Variants in KIF5C observed in about 807,000 individuals in gnomAD.
KIF5C encodes kinesin heavy chain isoform 5C.
A neutral mutation model predicts 125.2 loss-of-function variants in KIF5C; 18 were observed. The ratio of observed to expected loss-of-function variants is 0.14; its 90% CI spans 0.10 to 0.21. KIF5C has a LOEUF of 0.21. KIF5C is among the 10% of genes least tolerant of loss of function. The pLI, the probability that KIF5C is intolerant of heterozygous loss-of-function variation, is 1.00. For synonymous variants in KIF5C, 405 were observed against 434.0 expected (o/e 0.93, Z 0.83); for missense variants, 780 against 1,183.8 (o/e 0.66, Z 5.01).
chr2:148,989,113 C>G (rs1461367739), intron 15 of KIF5C, among the ~76,000 whole-genome samples: 3 of 152,136 alleles, frequency 2.0e-5, no homozygotes, highest in African/African-American at 4.8e-5. Flanking sequence ...TCCCTCACCC[C>G]ACTTCCCACC....
chr2:148,991,075 G>A lies in KIF5C; in HGVS notation c.1782G>A (p.Met594Ile). ...FTMARLYISK[M>I]KSEVKSLVNR... ...TGGCCCGCCTGTACATCAGCAAGATGAAGTCAGAGGTCAAGTCCCTGGTGA... is the reference window on the plus strand; with the variant it reads ...TGGCCCGCCTGTACATCAGCAAGATAAAGTCAGAGGTCAAGTCCCTGGTGA... Residue 594 changes from methionine (M) to isoleucine (I), a missense_variant, in exon 16 of 26, where the codon ATG (methionine) becomes ATA (isoleucine). Transcript: ENST00000435030. The A allele has an allele frequency of 6.2e-7, 1 of 1,613,866 alleles. No homozygotes were observed. The highest frequency in any genetic ancestry group is 8.5e-7 in the Non-Finnish European group (1 of 1,179,840).
At chr2:148,984,603 G>A (rs1239255258) in intron 15 of KIF5C, among the ~76,000 whole-genome samples, 2 of 152,086 alleles carry the variant, frequency 1.3e-5, no homozygotes, top group Non-Finnish European at 2.9e-5. Flanking sequence ...CTTTAATCCA[G>A]GAGGGAAACA....
chr2:148,932,428 A>G (rs1344395938), intron 3 of KIF5C, among the ~76,000 whole-genome samples: 1 of 152,206 alleles, frequency 6.6e-6, no homozygotes, highest in East Asian at 1.9e-4. Flanking sequence ...CATTTAAGGT[A>G]GGTTTTCAGT....
chr2:148,920,367 CA>C (rs1681734049), intron 1 of KIF5C, among the ~76,000 whole-genome samples: 1 of 152,158 alleles, frequency 6.6e-6, no homozygotes, highest in Non-Finnish European at 1.5e-5. Context: ...TTGAATTTTA[CA>C]AATAGATAAA....
intron 1 of KIF5C, among the ~76,000 whole-genome samples, chr2:148,913,208 G>C (rs1200854124): frequency 6.6e-6 from 1 of 152,138 alleles, no homozygotes; most frequent in Non-Finnish European, 1.5e-5. Context: ...ATCTATAGTT[G>C]AGGGAACAGT....
At chr2:148,943,657 A>G (rs1388894436) in intron 7 of KIF5C, among the ~76,000 whole-genome samples, 1 of 151,650 alleles carries the variant, frequency 6.6e-6, no homozygotes, top group Non-Finnish European at 1.5e-5. Flanking sequence ...TGTGAGGAGA[A>G]CTCTCCAACC....
chr2:148,945,264 A>G (rs1682495110), intron 7 of KIF5C, among the ~76,000 whole-genome samples: 1 of 152,092 alleles, frequency 6.6e-6, no homozygotes, highest in South Asian at 2.1e-4. Context: ...TTATAGTTTT[A>G]GTTTTTATAT....
chr2:148,979,232 C>T lies in KIF5C; in HGVS notation c.1362+242C>T, dbSNP rs552852260. Among the ~76,000 whole-genome samples the T allele has an allele frequency of 3.9e-5, 6 of 152,250 alleles. 1 individual carries two copies. Among genetic ancestry groups the T allele is most frequent in the East Asian group, 1.9e-4 (1 of 5,180 alleles). ...GATTGAGTAGCCAGTGGCTACAGTT[C>T]GTTCTGGAAGGGCAGAGACCTTTGG... is the stretch of plus-strand genomic sequence containing the variant. On this transcript the variant is annotated intron_variant, in intron 13 of 25. Transcript: ENST00000435030.
intron 25 of KIF5C, among the ~76,000 whole-genome samples, chr2:149,017,526 C>T (rs1002124114): frequency 6.6e-6 from 1 of 152,204 alleles, no homozygotes; most frequent in African/African-American, 2.4e-5. Flanking sequence ...GATCCACTTC[C>T]TTTCCAGGCA....
At chr2:148,898,016 G>C (rs1680736275) in intron 1 of KIF5C, among the ~76,000 whole-genome samples, 1 of 150,936 alleles carries the variant, frequency 6.6e-6, no homozygotes, top group Non-Finnish European at 1.5e-5. Context: ...CTCAGGGTTT[G>C]AGGGAGTGGA....
intron 1 of KIF5C, among the ~76,000 whole-genome samples, chr2:148,906,829 G>GCA (rs1412471160): frequency 6.6e-6 from 1 of 152,078 alleles, no homozygotes; most frequent in Non-Finnish European, 1.5e-5. Flanking sequence ...TCATACCACT[G>GCA]CACTCCAGCC....
intron 1 of KIF5C, among the ~76,000 whole-genome samples, chr2:148,895,610 C>T (rs766020540): frequency 3.3e-5 from 5 of 152,070 alleles, no homozygotes; most frequent in African/African-American, 7.2e-5. Context: ...GGTCAAAAAA[C>T]ATAGCTTACG....
chr2:148,961,977 G>C lies in KIF5C; in HGVS notation c.975G>C (p.Lys325Asn). Residue 325 changes from lysine to asparagine, a missense_variant, in exon 11 of 26, where the codon AAG becomes AAC. Lys to Asn is a moderately conservative substitution (Grantham distance 94, BLOSUM62 0). This residue lies in a region of KIF5C where 207 missense variants were observed against 441.2 expected (regional missense o/e 0.47). Coordinates refer to ENST00000435030, the MANE Select transcript of KIF5C (RefSeq NM_004522.3). The stretch of plus-strand genomic sequence containing the variant: ...CTTATGTTTTTAATCCCAGAGCTAA[G>C]ACCATCAAGAATACAGTCTCTGTGA... ...KSTLMFGQRA[K>N]TIKNTVSVNL... 6.2e-7 allele frequency: 1 copy of C among 1,613,046 alleles called. No individual in the cohort carries two copies. The highest frequency in any genetic ancestry group is 8.5e-7 in the Non-Finnish European group (1 of 1,179,602).
intron 15 of KIF5C, among the ~76,000 whole-genome samples, chr2:148,987,997 G>A (rs1681427203): frequency 6.6e-6 from 1 of 152,100 alleles, no homozygotes. Context: ...TGTATAGGCA[G>A]GTAGAAGCAG....
At chr2:148,919,833 C>T (rs1016449467) in intron 1 of KIF5C, among the ~76,000 whole-genome samples, 1 of 152,146 alleles carries the variant, frequency 6.6e-6, no homozygotes, top group African/African-American at 2.4e-5. Context: ...AACTACATAA[C>T]GTGTTAATCC....
intron 11 of KIF5C, among the ~76,000 whole-genome samples, chr2:148,966,833 A>G (rs529582257): frequency 9.9e-5 from 15 of 152,200 alleles, no homozygotes; most frequent in African/African-American, 2.9e-4. Flanking sequence ...TCTGGTCTCC[A>G]CTATGTAAGA....
chr2:148,967,632 A>G (rs1680772929), intron 11 of KIF5C, among the ~76,000 whole-genome samples: 2 of 152,174 alleles, frequency 1.3e-5, no homozygotes, highest in Admixed American at 1.3e-4. Flanking sequence ...GAAAAGCAAC[A>G]AATGTTCACC....
At chr2:149,008,691 A>T (rs1177713689) in intron 23 of KIF5C, among the ~76,000 whole-genome samples, 1 of 152,122 alleles carries the variant, frequency 6.6e-6, no homozygotes, top group Admixed American at 6.5e-5. Context: ...TTCTTTTTAA[A>T]TGTTGGTGTG....
At chr2:148,890,324 C>T (rs910876665) in intron 1 of KIF5C, among the ~76,000 whole-genome samples, 2 of 152,132 alleles carry the variant, frequency 1.3e-5, no homozygotes, top group Non-Finnish European at 2.9e-5. Flanking sequence ...GATAGCAAGA[C>T]CCTGCCTCTA....
Sources: allele counts gnomAD v4.1 joint callset (sites outside exome capture counted in the v4.1 genomes callset), GRCh38; gene constraint gnomAD v4.1.1; regional missense constraint gnomAD v4.1.1; transcripts MANE v1.5; gene names NCBI Gene and HGNC (gene_info 2026-07-23, HGNC 2026-07-21).